The following MARK4 variants were observed in gnomAD, a reference collection of about 807,000 sequenced individuals.
MARK4 encodes microtubule affinity regulating kinase 4, also known as MAP/microtubule affinity-regulating kinase 4.
Under a neutral mutation model 81.5 loss-of-function variants are expected in MARK4, and 19 were observed. That is an observed-to-expected ratio of 0.23 (90% CI 0.16 to 0.34). MARK4 has a LOEUF of 0.34. MARK4 is among the 10% of genes least tolerant of loss of function. The pLI is 1.00. For missense variants in MARK4, 772 were observed against 1,058.8 expected, an observed-to-expected ratio of 0.73 and a Z score of 3.76; for synonymous variants, 436 against 439.0, an observed-to-expected ratio of 0.99 and a Z score of 0.08.
In MARK4 at chr19:45,305,106, A is replaced by G. The variant is rs1212814092; in HGVS notation, c.*2396A>G. On this transcript the variant is annotated 3_prime_UTR_variant, in exon 17 of 17. Transcript: ENST00000262891. ...AGGTCGGGGCTGGACAGATGGGGAG[A>G]GCGCAGATAGATTTAAGAGAGTCCT... 3 of 152,266 alleles carry G rather than the reference A, an allele frequency of 2.0e-5. No homozygotes were observed. The highest frequency in any genetic ancestry group is 4.4e-5 in the Non-Finnish European group (3 of 68,184). 9.4% of individuals were successfully genotyped at this position (152,266 alleles called of 1,614,324 possible).
At chr19:45,300,809 AGAG>A (rs1217057636) in intron 16 of MARK4, among the ~76,000 whole-genome samples, 1 of 152,072 alleles carries the variant, frequency 6.6e-6, no homozygotes, top group Non-Finnish European at 1.5e-5. Context: ...CTGCAGCCAG[AGAG>A]GAGAAGTACT....
At chr19:45,293,934 TA>T (rs2123102836) in intron 13 of MARK4, among the ~76,000 whole-genome samples, 1 of 151,882 alleles carries the variant, frequency 6.6e-6, no homozygotes, top group Admixed American at 6.6e-5. Flanking sequence ...AAGGTAGGAG[TA>T]ATGTTCTAAC....
intron 8 of MARK4, among the ~76,000 whole-genome samples, chr19:45,277,188 G>A (rs1370354160): frequency 2.0e-5 from 3 of 151,226 alleles, no homozygotes; most frequent in African/African-American, 7.3e-5. Context: ...AGTGATTCTC[G>A]TGCCTCAGCC....
chr19:45,254,542 AGCAC>A (rs1173691699), intron 1 of MARK4, among the ~76,000 whole-genome samples: 3 of 152,202 alleles, frequency 2.0e-5, no homozygotes, highest in Non-Finnish European at 2.9e-5. Context: ...TTCGCATCCC[AGCAC>A]TCTGCTCCAT....
intron 4 of MARK4, 147 bp downstream of exon 4, chr19:45,263,514 G>A: frequency 2.2e-6 from 2 of 926,446 alleles, no homozygotes; most frequent in Admixed American, 4.4e-5. Flanking sequence ...GGCCGAGGCG[G>A]GTGGATCACT....
rs11309011 is a variant in MARK4, at chr19:45,301,865, CAAAAAAA to C, written c.1923-498_1923-492del. On this transcript the variant is annotated intron_variant, in intron 16 of 16. Transcript: ENST00000262891. ...GGGTAACAAGAGCAAAACTCCGTCTCAAAAAAAAAAAAAAAAAGAAAAGGAAAAAGAA... is the reference window on the plus strand; with the variant it reads ...GGGTAACAAGAGCAAAACTCCGTCTCAAAAAAAAAAGAAAAGGAAAAAGAA... Among the ~76,000 whole-genome samples, 3 of 124,136 alleles carry C rather than the reference CAAAAAAA, an allele frequency of 2.4e-5. No individual in the cohort carries two copies. In the Admixed American group the frequency reaches 2.7e-4, roughly 11 times the overall value. The allele number at this position is 124,136 out of a possible 152,430, so 81.4% of individuals were successfully genotyped here.
Position 45,265,961 on chromosome 19 carries a change from G to A in MARK4, c.493-264G>A, listed in dbSNP as rs115354784. On this transcript the variant is annotated intron_variant, in intron 6 of 16. Coordinates refer to ENST00000262891, the MANE Select transcript of MARK4 (RefSeq NM_001199867.2). ...ACAGGTATGGGATATCCCCATGGGA[G>A]TTTCCAGATGTGAAGGTCAAGAGAG... Among the ~76,000 whole-genome samples the A allele has an allele frequency of 9.8e-3, 1,495 of 152,122 alleles. 26 individuals carry two copies. Among genetic ancestry groups the A allele is most frequent in the African/African-American group, 0.034 (1,412 of 41,448 alleles).
chr19:45,259,010 C>T lies in MARK4; in HGVS notation c.73C>T (p.Arg25Cys), dbSNP rs547487115. The T allele has an allele frequency of 1.6e-5, 25 of 1,612,806 alleles. No individual in the cohort carries two copies. In the Admixed American group the frequency reaches 2.3e-4, roughly 15 times the overall value. The change falls in exon 2 of 17, where the codon CGC (arginine) becomes TGC (cysteine). Residue 25 changes from arginine to cysteine, a missense_variant. Coordinates refer to ENST00000262891, the MANE Select transcript of MARK4 (RefSeq NM_001199867.2). ...CCAGCATGGCACCTTGGGCAGTGGC[C>T]GCTCCTCGGACAAAGGCCCGTCCTG... ...SDTHGTLGSG[R>C]SSDKGPSWSS... is the part of the protein sequence containing the mutation.
chr19:45,302,351 C>T lies in MARK4; in HGVS notation c.1923-23C>T. 6.2e-7 allele frequency: 1 copy of T among 1,614,022 alleles called. No homozygotes were observed. Among genetic ancestry groups the T allele is most frequent in the Middle Eastern group, 1.6e-4 (1 of 6,062 alleles). On this transcript the variant is annotated intron_variant, in intron 16 of 16. Coordinates refer to ENST00000262891, the MANE Select transcript of MARK4 (RefSeq NM_001199867.2). The surrounding 1 kb of genome is among the most constrained non-coding windows in gnomAD (Gnocchi z 4.9). ...CATTCCTCTTCGCTCCCATCTCTGA[C>T]CCCTGACATCTTCTCGCCTCAGTTG...
chr19:45,251,570 C>A lies in MARK4; in HGVS notation c.-19C>A. 1 of 1,365,288 alleles carries A rather than the reference C, an allele frequency of 7.3e-7. No homozygotes were observed. The highest frequency in any genetic ancestry group is 9.5e-7 in the Non-Finnish European group (1 of 1,050,512). The allele number at this position is 1,365,288 out of a possible 1,614,324, so 84.6% of individuals were successfully genotyped here. The stretch of plus-strand genomic sequence containing the variant: ...GCCCCCCCCACCCGGCCGCCCCTGC[C>A]CCCCGGGACCCGGAGAAGATGTCTT... On this transcript the variant is annotated 5_prime_UTR_variant, in exon 1 of 17. Coordinates refer to ENST00000262891, the MANE Select transcript of MARK4 (RefSeq NM_001199867.2).
chr19:45,252,991 C>T (rs1013034879), intron 1 of MARK4, among the ~76,000 whole-genome samples: 11 of 151,794 alleles, frequency 7.2e-5, no homozygotes, highest in Admixed American at 2.6e-4. Flanking sequence ...CATTCCCAGG[C>T]GCCCCCTGCC....
Position 45,280,749 on chromosome 19 carries a change from C to T in MARK4, c.1276+15C>T. 1 of 1,613,292 alleles carries T rather than the reference C, an allele frequency of 6.2e-7. No homozygotes were observed. The highest frequency in any genetic ancestry group is 1.1e-5 in the South Asian group (1 of 91,036). The stretch of plus-strand genomic sequence containing the variant: ...TAGCGATTTCTGTGAGTATCAACCC[C>T]ACGCCCTCACGCACCCTCCTTCTCC... On this transcript the variant is annotated intron_variant, in intron 12 of 16. Transcript: ENST00000262891.
chr19:45,299,906 C>T, intron 16 of MARK4, 51 bp downstream of exon 16: 1 of 1,543,484 alleles, frequency 6.5e-7, no homozygotes, highest in Non-Finnish European at 8.8e-7. Context: ...CCTGCCTCAG[C>T]ACCTCCCGAC....
At chr19:45,294,110 T>C (rs1042338606) in intron 13 of MARK4, among the ~76,000 whole-genome samples, 3 of 152,128 alleles carry the variant, frequency 2.0e-5, no homozygotes, top group African/African-American at 7.2e-5. Flanking sequence ...CTGCCTCGTT[T>C]TCCCTCAGTG....
chr19:45,269,620 T>C (rs760294778), intron 7 of MARK4, among the ~76,000 whole-genome samples: 20 of 152,050 alleles, frequency 1.3e-4, no homozygotes, highest in Non-Finnish European at 1.9e-4. Flanking sequence ...GGTGACATTT[T>C]GAAAGGTGGA....
At chr19:45,296,335 G>A (rs1309097800) in intron 14 of MARK4, among the ~76,000 whole-genome samples, 2 of 152,216 alleles carry the variant, frequency 1.3e-5, no homozygotes, top group Non-Finnish European at 2.9e-5. Flanking sequence ...TAAAAAGGAC[G>A]TTTAGTCCGG....
chr19:45,259,816 G>A (rs1230731114), intron 2 of MARK4, among the ~76,000 whole-genome samples: 1 of 151,738 alleles, frequency 6.6e-6, no homozygotes, highest in Non-Finnish European at 1.5e-5. Context: ...GCTGGGCATG[G>A]TGGCTTACGC....
intron 15 of MARK4, among the ~76,000 whole-genome samples, chr19:45,299,533 CTG>C (rs1970938455): frequency 6.6e-6 from 1 of 152,176 alleles, no homozygotes; most frequent in Non-Finnish European, 1.5e-5. Context: ...CTCTTTCTCT[CTG>C]TGGCCACTTA....
At chr19:45,257,752 C>T (rs1305778420) in intron 1 of MARK4, among the ~76,000 whole-genome samples, 1 of 149,426 alleles carries the variant, frequency 6.7e-6, no homozygotes, top group Admixed American at 6.7e-5. Context: ...TGCAGCGGCG[C>T]GATCTCGGCT....
Sources: gnomAD v4.1 joint callset for allele counts (sites outside exome capture counted in the v4.1 genomes callset) on GRCh38, gnomAD v4.1.1 for gene constraint, Gnocchi (gnomAD v3.1) non-coding constraint, MANE v1.5 for transcripts, NCBI Gene and HGNC (gene_info 2026-07-23, HGNC 2026-07-21) for gene names.